The following DGKI variants were observed in gnomAD, a reference collection of about 807,000 sequenced individuals.
The protein encoded by DGKI is diacylglycerol kinase iota.
In DGKI, 55 loss-of-function variants were observed where a neutral mutation model predicts 147.5. The ratio of observed to expected loss-of-function variants is 0.37; its 90% confidence interval spans 0.30 to 0.47. DGKI has a LOEUF of 0.47. DGKI is among the 20% of genes least tolerant of loss of function. The pLI is 1.00. For synonymous variants in DGKI, 469 were observed against 477.1 expected (o/e 0.98, Z 0.22); for missense variants, 1,007 against 1,323.8 (o/e 0.76, Z 3.71).
chr7:137,537,799 C>T (rs1282709690), intron 20 of DGKI, among the ~76,000 whole-genome samples: 1 of 152,188 alleles, frequency 6.6e-6, no homozygotes, highest in Non-Finnish European at 1.5e-5. Flanking sequence ...TGGATCATCT[C>T]AGCTGCTTTA....
intron 28 of DGKI, among the ~76,000 whole-genome samples, chr7:137,431,968 G>A (rs1273993045): frequency 6.6e-6 from 1 of 152,238 alleles, no homozygotes; most frequent in Admixed American, 6.5e-5. Context: ...GATGGGAGGT[G>A]ATTGGATCAT....
At chr7:137,472,553 A>G (rs1815023470) in intron 23 of DGKI, among the ~76,000 whole-genome samples, 1 of 149,132 alleles carries the variant, frequency 6.7e-6, no homozygotes, top group South Asian at 2.1e-4. Context: ...AGCTAAGTAA[A>G]ATCTTGACAT....
intron 2 of DGKI, among the ~76,000 whole-genome samples, chr7:137,682,701 T>C (rs1197622871): frequency 6.6e-6 from 1 of 152,202 alleles, no homozygotes; most frequent in African/African-American, 2.4e-5. Flanking sequence ...CAGTCTCTCT[T>C]GCAATTAGGT....
chr7:137,788,983 ATTTG>A (rs1435687800), intron 1 of DGKI, among the ~76,000 whole-genome samples: 2 of 152,200 alleles, frequency 1.3e-5, no homozygotes, highest in African/African-American at 2.4e-5. Context: ...CTCAATAAGT[ATTTG>A]TTTAAATGAA....
chr7:137,655,014 C>G (rs59284501), intron 4 of DGKI, among the ~76,000 whole-genome samples: 26,662 of 152,060 alleles, frequency 0.18, 7,051 homozygotes, highest in African/African-American at 0.58. Flanking sequence ...TCTCACAAAT[C>G]AAATCTAAGT....
At chr7:137,518,993 T>G (rs2128951308) in intron 21 of DGKI, among the ~76,000 whole-genome samples, 1 of 152,168 alleles carries the variant, frequency 6.6e-6, no homozygotes, top group East Asian at 1.9e-4. Context: ...GAATAGACTG[T>G]CCCCTCTTGC....
chr7:137,431,827 G>T (rs150513388), intron 28 of DGKI, among the ~76,000 whole-genome samples: 1,752 of 152,256 alleles, frequency 0.012, 17 homozygotes, highest in Middle Eastern at 0.041. Flanking sequence ...CATGGCTTTT[G>T]GCAATTGCCA....
chr7:137,674,729 C>T (rs1358074208), intron 3 of DGKI, among the ~76,000 whole-genome samples: 1 of 152,178 alleles, frequency 6.6e-6, no homozygotes, highest in Non-Finnish European at 1.5e-5. Context: ...TGTTCCTCTT[C>T]CCTGCCCGAA....
At chr7:137,806,510 T>C (rs961548611) in intron 1 of DGKI, among the ~76,000 whole-genome samples, 3 of 152,140 alleles carry the variant, frequency 2.0e-5, no homozygotes, top group Non-Finnish European at 2.9e-5. Flanking sequence ...CTTGGCTCAC[T>C]GCAAGCTCCG....
At chr7:137,767,332 G>A (rs995048618) in intron 1 of DGKI, among the ~76,000 whole-genome samples, 3 of 152,260 alleles carry the variant, frequency 2.0e-5, no homozygotes, top group South Asian at 4.2e-4. Context: ...AAACTCTTTG[G>A]TAAGAGTTAC....
At chr7:137,393,117 G>C (rs1292135006) in intron 32 of DGKI, among the ~76,000 whole-genome samples, 1 of 152,058 alleles carries the variant, frequency 6.6e-6, no homozygotes, top group East Asian at 1.9e-4. Context: ...ATGATATCTA[G>C]GTCTAGGTTG....
At chr7:137,620,013 A>G in intron 7 of DGKI, 73 bp from the exon 8 acceptor site, 1 of 717,368 alleles carries the variant, frequency 1.4e-6, no homozygotes, top group Non-Finnish European at 2.3e-6. Context: ...ATAAATATGT[A>G]CACACGCACA....
intron 6 of DGKI, 142 bp from the exon 7 acceptor site, chr7:137,623,696 G>A (rs2128998749): frequency 1.5e-6 from 1 of 661,818 alleles, no homozygotes; most frequent in South Asian, 1.7e-5. Context: ...AATTGCAAAG[G>A]CCACATTGAG....
intron 4 of DGKI, among the ~76,000 whole-genome samples, chr7:137,655,204 T>C (rs1419912378): frequency 1.4e-5 from 2 of 147,170 alleles, no homozygotes; most frequent in African/African-American, 5.3e-5. Flanking sequence ...AGTTATTCTT[T>C]TTTTTTTTTT....
chr7:137,591,318 C>A (rs1031315937), intron 12 of DGKI, among the ~76,000 whole-genome samples: 2 of 152,148 alleles, frequency 1.3e-5, no homozygotes, highest in Non-Finnish European at 2.9e-5. Context: ...AGCAGAAAAT[C>A]TTGCATTTCA....
chr7:137,423,305 T>C (rs1812653503), intron 28 of DGKI, among the ~76,000 whole-genome samples: 1 of 152,172 alleles, frequency 6.6e-6, no homozygotes, highest in Non-Finnish European at 1.5e-5. Flanking sequence ...GCTTTACCCC[T>C]TCCTCCAACA....
At chr7:137,845,822 G>C (rs1220338912) in intron 1 of DGKI, among the ~76,000 whole-genome samples, 4 of 152,092 alleles carry the variant, frequency 2.6e-5, no homozygotes, top group Non-Finnish European at 4.4e-5. Context: ...CCAGCCAGGA[G>C]AGAGGCAAGG....
chr7:137,767,958 C>CTGAA (rs1379964570), intron 1 of DGKI, among the ~76,000 whole-genome samples: 1 of 152,108 alleles, frequency 6.6e-6, no homozygotes, highest in East Asian at 1.9e-4. Context: ...GAAGGATCAC[C>CTGAA]TGAAGCCAGG....
intron 19 of DGKI, among the ~76,000 whole-genome samples, chr7:137,569,563 C>T (rs1021437584): frequency 6.6e-6 from 1 of 151,126 alleles, no homozygotes; most frequent in Admixed American, 6.6e-5. Context: ...CTCGTCTCTA[C>T]TAAAAATACA....
Sources: allele counts gnomAD v4.1 joint callset (sites outside exome capture counted in the v4.1 genomes callset), GRCh38; gene constraint gnomAD v4.1.1; transcripts MANE v1.5; gene names NCBI Gene and HGNC (gene_info 2026-07-23, HGNC 2026-07-21).